ZC2HC1B: variants seen among roughly 807,000 people sequenced by gnomAD.
ZC2HC1B encodes zinc finger C2HC domain-containing protein 1B.
A neutral mutation model predicts 31.0 loss-of-function variants in ZC2HC1B; 36 were observed. The ratio of observed to expected loss-of-function variants is 1.16; its 90% CI spans 0.89 to 1.54. The LOEUF (loss-of-function observed/expected upper bound fraction) is 1.54. ZC2HC1B is among the 40% of genes most tolerant of loss of function. The pLI is 0.00. For synonymous variants in ZC2HC1B, 73 were observed against 88.0 expected (o/e 0.83, Z 0.95); for missense variants, 260 against 268.6 (o/e 0.97, Z 0.22).
intron 1 of ZC2HC1B, among the ~76,000 whole-genome samples, chr6:143,881,172 G>C (rs747014825): frequency 2.0e-5 from 3 of 152,096 alleles, no homozygotes; most frequent in Non-Finnish European, 4.4e-5. Context: ...AGTTGTGCAG[G>C]TGAAATCACA....
chr6:143,896,306 G>A (rs1228868775), intron 4 of ZC2HC1B, among the ~76,000 whole-genome samples: 2 of 152,234 alleles, frequency 1.3e-5, no homozygotes, highest in Non-Finnish European at 2.9e-5. Flanking sequence ...GAATGAGCAA[G>A]TGGGATTAAG....
chr6:143,872,769 A>C lies in ZC2HC1B; in HGVS notation c.28+8202A>C, dbSNP rs1236549495. 6.6e-6 allele frequency among the ~76,000 whole-genome samples: 1 copy of C among 152,142 alleles called. No individual in the cohort carries two copies. On this transcript the variant is annotated intron_variant, in intron 1 of 7. Coordinates refer to ENST00000237275, the MANE Select transcript of ZC2HC1B (RefSeq NM_001013623.3). The surrounding 1 kb of genome is among the most constrained non-coding windows in gnomAD (Gnocchi z 5.5). ...CCATCAGATCTCATGAGACTCAATCACTATCATAAGAATAGCATGGGAAAG... is the reference window on the plus strand; with the variant it reads ...CCATCAGATCTCATGAGACTCAATCCCTATCATAAGAATAGCATGGGAAAG...
intron 4 of ZC2HC1B, among the ~76,000 whole-genome samples, chr6:143,890,843 T>C (rs1476800777): frequency 6.6e-6 from 1 of 151,872 alleles, no homozygotes; most frequent in Non-Finnish European, 1.5e-5. Flanking sequence ...AAAAATGAAA[T>C]TTAAGGCTGG....
intron 6 of ZC2HC1B, among the ~76,000 whole-genome samples, chr6:143,904,619 T>G (rs1582965599): frequency 6.6e-6 from 1 of 152,234 alleles, no homozygotes; most frequent in African/African-American, 2.4e-5. Context: ...CCAATTTGTC[T>G]GTTTTTCTTT....
chr6:143,910,400 A>G (rs1014123151), intron 6 of ZC2HC1B, among the ~76,000 whole-genome samples: 6 of 152,176 alleles, frequency 3.9e-5, no homozygotes, highest in African/African-American at 1.4e-4. Context: ...GATCAATTTT[A>G]GAGTTAAGTG....
rs1358781059 is a variant in ZC2HC1B, at chr6:143,903,269, A to T, written c.598+117A>T. ...CTAAGACATTCACTGTTGCTTTTGG[A>T]TGCAAAGATATTTGGGTTAGAGGTT... On this transcript the variant is annotated intron_variant, in intron 6 of 7. Coordinates refer to ENST00000237275, the MANE Select transcript of ZC2HC1B (RefSeq NM_001013623.3). This position sits in a 1 kb window ranked among gnomAD's most constrained non-coding sequence, Gnocchi z 4.3. 1 of 878,650 alleles carries T rather than the reference A, an allele frequency of 1.1e-6. No homozygotes were observed. The highest frequency in any genetic ancestry group is 1.8e-6 in the Non-Finnish European group (1 of 559,336). 54.4% of individuals were successfully genotyped at this position (878,650 alleles called of 1,614,324 possible).
chr6:143,880,207 A>G (rs1777452231), intron 1 of ZC2HC1B, among the ~76,000 whole-genome samples: 1 of 152,156 alleles, frequency 6.6e-6, no homozygotes, highest in South Asian at 2.1e-4. Flanking sequence ...ACATTTTCAA[A>G]GATTATAAAC....
Position 143,911,961 on chromosome 6 carries a change from T to C in ZC2HC1B, c.598+8809T>C, listed in dbSNP as rs1777865616. ...CCATGTTTCTCAGAGGTTTTGTTCTTTTTTTTCATTCTTTTTTCTCTATTT... is the reference window on the plus strand; with the variant it reads ...CCATGTTTCTCAGAGGTTTTGTTCTCTTTTTTCATTCTTTTTTCTCTATTT... On this transcript the variant is annotated intron_variant, in intron 6 of 7. Transcript: ENST00000237275. This position sits in a 1 kb window ranked among gnomAD's most constrained non-coding sequence, Gnocchi z 4.5. Among the ~76,000 whole-genome samples, 1 of 152,190 alleles carries C rather than the reference T, an allele frequency of 6.6e-6. No individual in the cohort carries two copies. The highest frequency in any genetic ancestry group is 1.5e-5 in the Non-Finnish European group (1 of 68,026).
Position 143,876,656 on chromosome 6 carries a change from T to G in ZC2HC1B, c.29-7648T>G, listed in dbSNP as rs1777411412. ...GAATATATATATAAAGGGAAATGTA[T>G]TAAGTATTAACTCACATGATCACAA... is the stretch of plus-strand genomic sequence containing the variant. On this transcript the variant is annotated intron_variant, in intron 1 of 7. Transcript: ENST00000237275. 1.3e-5 allele frequency among the ~76,000 whole-genome samples: 2 copies of G among 150,196 alleles called. 1 individual carries two copies. The highest frequency in any genetic ancestry group is 4.9e-5 in the African/African-American group (2 of 40,590).
rs1777649479 is a variant in ZC2HC1B at position 143,895,145 on chromosome 6, G to T, written c.350-3407G>T. Among the ~76,000 whole-genome samples the T allele has an allele frequency of 6.6e-6, 1 of 152,074 alleles. No homozygotes were observed. The highest frequency in any genetic ancestry group is 1.5e-5 in the Non-Finnish European group (1 of 68,020). On this transcript the variant is annotated intron_variant, in intron 4 of 7. Coordinates refer to ENST00000237275, the MANE Select transcript of ZC2HC1B (RefSeq NM_001013623.3). This position sits in a 1 kb window ranked among gnomAD's most constrained non-coding sequence, Gnocchi z 4.8. ...AGAATTCTCAGGCTTAAGTTCTAGA[G>T]AATTTATTTGTTTTTTGTTGTTGTT...
intron 1 of ZC2HC1B, among the ~76,000 whole-genome samples, chr6:143,880,235 A>T (rs1170432860): frequency 1.3e-5 from 2 of 152,218 alleles, no homozygotes; most frequent in Admixed American, 6.5e-5. Flanking sequence ...TAAAAATAAT[A>T]GCCACTATAA....
intron 6 of ZC2HC1B, among the ~76,000 whole-genome samples, chr6:143,931,228 A>G (rs998650385): frequency 6.6e-6 from 1 of 152,198 alleles, no homozygotes; most frequent in African/African-American, 2.4e-5. Flanking sequence ...TGAAGACAAC[A>G]GATACTTCAT....
chr6:143,930,442 A>G (rs1196072503), intron 6 of ZC2HC1B, among the ~76,000 whole-genome samples: 2 of 131,072 alleles, frequency 1.5e-5, no homozygotes, highest in Non-Finnish European at 3.1e-5. Flanking sequence ...GCTGGAGTGC[A>G]TTGGTGCGAT....
intron 1 of ZC2HC1B, among the ~76,000 whole-genome samples, chr6:143,876,589 G>A (rs1039749608): frequency 1.5e-4 from 22 of 150,418 alleles, no homozygotes; most frequent in Admixed American, 1.4e-3. Flanking sequence ...ATTAGTCAGG[G>A]TTCTCTAGAG....
At chr6:143,898,503 AGTT>A in intron 4 of ZC2HC1B, 46 bp from the exon 5 acceptor site, 1 of 1,537,716 alleles carries the variant, frequency 6.5e-7, no homozygotes, top group Non-Finnish European at 8.8e-7. Flanking sequence ...AGTATTCTAT[AGTT>A]GTTTTTGAAG....
Position 143,924,957 on chromosome 6 carries a change from T to C in ZC2HC1B, c.599-12692T>C, listed in dbSNP as rs1778017622. 6.6e-6 allele frequency among the ~76,000 whole-genome samples: 1 copy of C among 152,156 alleles called. No individual in the cohort carries two copies. The highest frequency in any genetic ancestry group is 1.5e-5 in the Non-Finnish European group (1 of 68,018). On this transcript the variant is annotated intron_variant, in intron 6 of 7. Transcript: ENST00000237275. This position sits in a 1 kb window ranked among gnomAD's most constrained non-coding sequence, Gnocchi z 5.2. The stretch of plus-strand genomic sequence containing the variant: ...ATTGGCCTGTAGTTTTCTATTTCCA[T>C]TATGTCCTTGTCTGGTTTTGGTATC...
At chr6:143,893,078 A>G (rs560921920) in intron 4 of ZC2HC1B, among the ~76,000 whole-genome samples, 21 of 152,310 alleles carry the variant, frequency 1.4e-4, no homozygotes, top group African/African-American at 4.6e-4. Context: ...AAGAACTCAT[A>G]TCAAGAACAT....
At chr6:143,937,573 G>A (rs1350614790) in intron 6 of ZC2HC1B, 76 bp from the exon 7 acceptor site, 2 of 1,354,194 alleles carry the variant, frequency 1.5e-6, no homozygotes, top group Non-Finnish European at 1.0e-6. Flanking sequence ...CCCATGTGGG[G>A]ATTTCACAAT....
At chr6:143,882,332 T>TATATATATATATATATATA (rs1554237224) in intron 1 of ZC2HC1B, among the ~76,000 whole-genome samples, 2 of 67,390 alleles carry the variant, frequency 3.0e-5, no homozygotes, top group African/African-American at 1.6e-4. Context: ...ATTTTATATT[T>TATATATATATATATATATA]TTTATATATA....
Sources: allele counts gnomAD v4.1 joint callset (sites outside exome capture counted in the v4.1 genomes callset), GRCh38; gene constraint gnomAD v4.1.1; non-coding constraint Gnocchi (gnomAD v3.1); transcripts MANE v1.5; gene names NCBI Gene and HGNC (gene_info 2026-07-23, HGNC 2026-07-21).